Variants in SF1 observed in about 807,000 individuals in gnomAD.
The protein encoded by SF1 is branch point-binding protein.
SF1 carries 7 observed loss-of-function variants against 62.5 expected under a neutral mutation model. The observed-to-expected ratio is 0.11, with a 90% CI of 0.06 to 0.21. The LOEUF is 0.21. SF1 is among the 10% of genes least tolerant of loss of function. SF1 has a pLI of 1.00. For synonymous variants in SF1, 394 were observed against 323.6 expected (o/e 1.22, Z -2.33); for missense variants, 578 against 884.0 (o/e 0.65, Z 4.39).
chr11:64,778,354 C>A lies in SF1; in HGVS notation c.31+8G>T. 1.6e-6 allele frequency: 2 copies of A among 1,227,058 alleles called. No individual in the cohort carries two copies. The highest frequency in any genetic ancestry group is 4.1e-5 in the South Asian group (1 of 24,646). The allele number at this position is 1,227,058 out of a possible 1,614,324, so 76.0% of individuals were successfully genotyped here. A position where few individuals can be genotyped will look rare whatever the true frequency, so the allele number is the denominator to read the frequency against. The stretch of plus-strand genomic sequence containing the variant: ...GGAGCGGGGGCAGCCCGGGGGGGCC[C>A]AGCTTACCCAACGGCGTGGCGTTCG... On this transcript the variant is annotated splice_region_variant and intron_variant, in intron 1 of 12. Coordinates refer to ENST00000377390, the MANE Select transcript of SF1 (RefSeq NM_004630.4).
At position 64,767,592 on chromosome 11, in the gene SF1, G is replaced by A. The variant is rs1169452828; in HGVS notation, c.1321C>T (p.His441Tyr). The change falls in exon 10 of 13, where the codon CAC becomes TAC. Residue 441 changes from histidine to tyrosine, a missense_variant. Physicochemically the swap from His to Tyr is moderately conservative, Grantham distance 83. Coordinates refer to ENST00000377390, the MANE Select transcript of SF1 (RefSeq NM_004630.4). ...TTACCCATTGGAGGAGGGCCATGGT[G>A]CCCAGGAGGGTGGGGGCCCTGGTTC... ...PMNQGPHPPG[H>Y]HGPPPMDQYL... The A allele has an allele frequency of 1.3e-6, 2 of 1,573,042 alleles. No individual in the cohort carries two copies. The highest frequency in any genetic ancestry group is 1.7e-6 in the Non-Finnish European group (2 of 1,162,308).
chr11:64,776,361 C>A (rs1939238577), intron 2 of SF1, 137 bp downstream of exon 2: 1 of 930,322 alleles, frequency 1.1e-6, no homozygotes, highest in Non-Finnish European at 1.7e-6. Context: ...CAAAAACTGA[C>A]AGATGATACC....
intron 1 of SF1, chr11:64,777,547 C>T (rs1939509157): frequency 3.0e-6 from 3 of 985,356 alleles, no homozygotes; most frequent in Admixed American, 1.2e-4. Context: ...AGGAGCTATC[C>T]TTGGTACGGT....
At chr11:64,777,388 G>T in intron 1 of SF1, 1 of 535,600 alleles carries the variant, frequency 1.9e-6, no homozygotes, top group Non-Finnish European at 2.4e-6. Flanking sequence ...CAGCCGATCA[G>T]ACTGAGATCT....
intron 8 of SF1, 87 bp from the exon 9 acceptor site, chr11:64,768,373 A>C: frequency 4.0e-6 from 5 of 1,244,816 alleles, no homozygotes; most frequent in Non-Finnish European, 5.8e-6. Context: ...ACATATGGAA[A>C]GTTCTGAAGA....
chr11:64,765,385 T>C lies in SF1; in HGVS notation c.*433A>G. The C allele has an allele frequency of 8.7e-7, 1 of 1,143,172 alleles. No individual in the cohort carries two copies. Among genetic ancestry groups the C allele is most frequent in the Non-Finnish European group, 1.3e-6 (1 of 764,120 alleles). The allele number at this position is 1,143,172 out of a possible 1,614,324, so 70.8% of individuals were successfully genotyped here. A position where few individuals can be genotyped will look rare whatever the true frequency, so the allele number is the denominator to read the frequency against. On this transcript the variant is annotated 3_prime_UTR_variant, in exon 13 of 13. Transcript: ENST00000377390. ...CGTGTTCCGATTCCGTCCACAAAAA[T>C]AACTCAGGCTGCTTTGCCGAACCAT...
chr11:64,777,558 T>C (rs1312613158), intron 1 of SF1: 1 of 985,296 alleles, frequency 1.0e-6, no homozygotes, highest in Non-Finnish European at 1.2e-6. Flanking sequence ...TTGGTACGGT[T>C]CCCATTCTGG....
chr11:64,766,923 C>G lies in SF1; in HGVS notation c.1559G>C (p.Ser520Thr), dbSNP rs1216895809. 33 of 1,242,222 alleles carry G rather than the reference C, an allele frequency of 2.7e-5. No homozygotes were observed. Among genetic ancestry groups the G allele is most frequent in the Non-Finnish European group, 3.4e-5 (33 of 966,988 alleles). The allele number at this position is 1,242,222 out of a possible 1,614,324, so 76.9% of individuals were successfully genotyped here. ...PPPPSSSMAS[S>T]TPLPWQQNTT... ...ACTTTGCTGCCATGGCAAGGGGGTA[C>G]TGGAAGCCATACTGCTGCTGGGCGG... Residue 520 changes from serine to threonine, a missense_variant, in exon 12 of 13, where the codon AGT becomes ACT. By Grantham distance (58) the Ser-to-Thr change is moderately conservative. Coordinates refer to ENST00000377390, the MANE Select transcript of SF1 (RefSeq NM_004630.4).
At position 64,768,230 on chromosome 11, in the gene SF1, G is replaced by A; in HGVS notation, c.944C>T (p.Ser315Phe). 6.2e-7 allele frequency: 1 copy of A among 1,613,878 alleles called. No homozygotes were observed. The highest frequency in any genetic ancestry group is 8.5e-7 in the Non-Finnish European group (1 of 1,179,894). Residue 315 changes from serine to phenylalanine, a missense_variant, in exon 9 of 13, where the codon TCC (serine) becomes TTC (phenylalanine). Coordinates refer to ENST00000377390, the MANE Select transcript of SF1 (RefSeq NM_004630.4). ...DKARMDKEYL[S>F]LMAELGEAPV... The stretch of plus-strand genomic sequence containing the variant: ...TGCTTCACCCAGTTCAGCCATGAGG[G>A]ACAAATATTCTTTATCCATCCGTGC...
chr11:64,767,139 C>T (rs970134060), intron 11 of SF1, 53 bp downstream of exon 11: 6 of 1,612,716 alleles, frequency 3.7e-6, no homozygotes, highest in Non-Finnish European at 4.2e-6. Flanking sequence ...TGGGCCAGAA[C>T]CCCCACTCAC....
Position 64,768,925 on chromosome 11 carries a change from T to C in SF1, c.887+97A>G. 1.2e-5 allele frequency: 10 copies of C among 854,166 alleles called. No homozygotes were observed. In the South Asian group the frequency reaches 1.3e-4, roughly 11 times the overall value. 52.9% of individuals were successfully genotyped at this position (854,166 alleles called of 1,614,324 possible). A position where few individuals can be genotyped will look rare whatever the true frequency, so the allele number is the denominator to read the frequency against. ...ACAGACCACACTAACAGAAAGGATG[T>C]TTCTCTTGGTAAGATTAACAGCAAC... is the stretch of plus-strand genomic sequence containing the variant. On this transcript the variant is annotated intron_variant, in intron 8 of 12. Transcript: ENST00000377390.
At chr11:64,772,876 C>T in intron 3 of SF1, 12 of 985,790 alleles carry the variant, frequency 1.2e-5, no homozygotes, top group Non-Finnish European at 1.4e-5. Flanking sequence ...CCCCTCCCAA[C>T]ACCCCCAAGG....
intron 1 of SF1, chr11:64,777,392 G>T: frequency 1.7e-6 from 1 of 571,524 alleles, no homozygotes; most frequent in Non-Finnish European, 2.2e-6. Flanking sequence ...CGATCAGACT[G>T]AGATCTAAAC....
chr11:64,771,581 A>G (rs1018178827), intron 3 of SF1: 1 of 985,466 alleles, frequency 1.0e-6, no homozygotes, highest in East Asian at 1.1e-4. Flanking sequence ...ACGATGGAAT[A>G]AAAGGTCAGG....
At chr11:64,770,995 G>C (rs1938230955) in intron 3 of SF1, among the ~76,000 whole-genome samples, 1 of 152,214 alleles carries the variant, frequency 6.6e-6, no homozygotes, top group African/African-American at 2.4e-5. Context: ...GGCCTGGCTG[G>C]CTGTGTCCAA....
chr11:64,768,406 C>T (rs1017066199), intron 8 of SF1, 120 bp from the exon 9 acceptor site: 2 of 901,082 alleles, frequency 2.2e-6, no homozygotes, highest in African/African-American at 3.4e-5. Flanking sequence ...GATCATCACA[C>T]ATCTTTCTAA....
intron 2 of SF1, 147 bp from the exon 3 acceptor site, chr11:64,773,652 C>T (rs1938664643): frequency 4.8e-6 from 4 of 829,246 alleles, no homozygotes; most frequent in Non-Finnish European, 7.3e-6. Context: ...AGCAAAAACC[C>T]CCAACCACCT....
At chr11:64,778,207 G>A (rs1939719415) in intron 1 of SF1, 155 bp downstream of exon 1, 3 of 1,117,902 alleles carry the variant, frequency 2.7e-6, no homozygotes, top group African/African-American at 1.6e-5. Context: ...CGAAGGGGAA[G>A]GCCGCGGTCA....
intron 3 of SF1, chr11:64,772,464 G>C: frequency 1.0e-6 from 1 of 985,236 alleles, no homozygotes; most frequent in Non-Finnish European, 1.2e-6. Context: ...ATGTTTCCTG[G>C]CAAAGGGCGG....
Sources: allele counts gnomAD v4.1 joint callset (sites outside exome capture counted in the v4.1 genomes callset), GRCh38; gene constraint gnomAD v4.1.1; transcripts MANE v1.5; gene names NCBI Gene and HGNC (gene_info 2026-07-23, HGNC 2026-07-21).